The following SLC6A18 variants were observed in gnomAD, a reference collection of about 807,000 sequenced individuals.
SLC6A18 encodes solute carrier family 6 member 18, also known as inactive sodium-dependent neutral amino acid transporter B(0)AT3.
Under a neutral mutation model 62.9 loss-of-function variants are expected in SLC6A18, and 58 were observed. The ratio of observed to expected loss-of-function variants is 0.92; its 90% CI spans 0.75 to 1.15. The LOEUF (loss-of-function observed/expected upper bound fraction) is 1.15. SLC6A18 is among the 50% of genes most tolerant of loss of function. The probability of loss-of-function intolerance (pLI) is 0.00; values close to 1 mark genes in which losing one functional copy is unlikely to be tolerated. For synonymous variants in SLC6A18, 382 were observed against 365.8 expected, an observed-to-expected ratio of 1.04 and a Z score of -0.51; for missense variants, 793 against 836.6, an observed-to-expected ratio of 0.95 and a Z score of 0.64.
In SLC6A18 at chr5:1,239,513, T is replaced by C. The variant is rs1461176099; in HGVS notation, c.796T>C (p.Ser266Pro). 1 of 1,614,180 alleles carries C rather than the reference T, an allele frequency of 6.2e-7. No individual in the cohort carries two copies. Residue 266 changes from serine to proline, a missense_variant, in exon 6 of 12, where the codon TCC (serine) becomes CCC (proline). By Grantham distance (74) the Ser-to-Pro change is moderately conservative (BLOSUM62 -1). Transcript: ENST00000324642. Reference protein sequence around the residue: ...DAATQIFFSLSLAFGGHIAFA... With the variant: ...DAATQIFFSLPLAFGGHIAFA... ...AGCCACCCAGATATTCTTCTCTCTG[T>C]CCCTGGCCTTCGGAGGACACATCGC...
chr5:1,230,247 A>G (rs1239795213), intron 1 of SLC6A18, among the ~76,000 whole-genome samples: 3 of 151,204 alleles, frequency 2.0e-5, no homozygotes, highest in Admixed American at 6.6e-5. Context: ...GGGGGAAGAG[A>G]GGCTGGCTTG....
intron 3 of SLC6A18, among the ~76,000 whole-genome samples, chr5:1,234,609 C>T (rs1746837168): frequency 6.6e-6 from 1 of 152,236 alleles, no homozygotes; most frequent in Non-Finnish European, 1.5e-5. Context: ...CACGGCAGGG[C>T]CCCATAACTG....
At chr5:1,244,857 T>G (rs539173992) in intron 11 of SLC6A18, 90 bp downstream of exon 11, 59 of 1,419,088 alleles carry the variant, frequency 4.2e-5, no homozygotes, top group East Asian at 2.6e-4. Flanking sequence ...CGACGACCCA[T>G]GCGGTGCACA....
rs1747219199 is a variant in SLC6A18 at position 1,246,142 on chromosome 5, G to GC, written c.*64_*65insC. 2 of 1,476,634 alleles carry GC rather than the reference G, an allele frequency of 1.4e-6. No homozygotes were observed. The allele number at this position is 1,476,634 out of a possible 1,614,324, so 91.5% of individuals were successfully genotyped here. ...GGGGGCTTGGCCTGATGGTGGGCGGGGCCCCGCCCACAGGGCCGACCCCAA... is the reference window on the plus strand; with the variant it reads ...GGGGGCTTGGCCTGATGGTGGGCGGGCGCCCCGCCCACAGGGCCGACCCCAA... On this transcript the variant is annotated 3_prime_UTR_variant, in exon 12 of 12. Coordinates refer to ENST00000324642, the MANE Select transcript of SLC6A18 (RefSeq NM_182632.3).
intron 1 of SLC6A18, among the ~76,000 whole-genome samples, chr5:1,231,834 A>T (rs143495665): frequency 6.6e-6 from 1 of 152,090 alleles, no homozygotes; most frequent in African/African-American, 2.4e-5. Context: ...CCTCCTTCCC[A>T]CAGAGGCTGA....
chr5:1,232,411 T>G (rs746761506), intron 2 of SLC6A18, 52 bp downstream of exon 2: 6 of 1,566,126 alleles, frequency 3.8e-6, no homozygotes, highest in Non-Finnish European at 5.2e-6. Context: ...GACAGGGCCC[T>G]CCTGGATGAG....
Position 1,246,054 on chromosome 5 carries a change from G to T in SLC6A18, c.1863G>T (p.Met621Ile). The T allele has an allele frequency of 6.3e-7, 1 of 1,588,572 alleles. No homozygotes were observed. The change falls in exon 12 of 12, where the codon ATG (methionine) becomes ATT (isoleucine). Residue 621 changes from methionine to isoleucine, a missense_variant. Transcript: ENST00000324642. ...PDTDTRPDTDMRPDTDMR is the reference protein window; with the variant it reads ...PDTDTRPDTDIRPDTDMR ...CGGACACGCGCCCAGACACGGACAT[G>T]CGCCCGGACACGGACATGCGCTGAA...
At chr5:1,237,890 G>A (rs1746925088) in intron 4 of SLC6A18, 60 bp from the exon 5 acceptor site, 1 of 1,364,968 alleles carries the variant, frequency 7.3e-7, no homozygotes, top group African/African-American at 1.4e-5. Context: ...CTGCTTCTCT[G>A]AGGCTTGTGG....
At position 1,242,849 on chromosome 5, in the gene SLC6A18, G is replaced by A. The variant is rs1747101363; in HGVS notation, c.1117G>A (p.Asp373Asn). Residue 373 changes from aspartate (D) to asparagine (N), a missense_variant, in exon 8 of 12, where the codon GAC becomes AAC. Asp to Asn is a conservative substitution (Grantham distance 23). Transcript: ENST00000324642. ...QLPLKACLLE[D>N]FLDKSASGPG... ...CCCCCTGAAGGCCTGCCTCCTGGAA[G>A]ACTTTCTGGATAAGGTACCTGCACA... The A allele has an allele frequency of 6.2e-7, 1 of 1,610,828 alleles. No homozygotes were observed. Among genetic ancestry groups the A allele is most frequent in the Non-Finnish European group, 8.5e-7 (1 of 1,178,256 alleles).
At chr5:1,244,500 G>A (rs1217135093) in intron 10 of SLC6A18, 108 bp from the exon 11 acceptor site, 44 of 1,543,676 alleles carry the variant, frequency 2.9e-5, no homozygotes, top group Non-Finnish European at 3.3e-5. Flanking sequence ...GGGAGCTGCC[G>A]AGGCACCAGA....
chr5:1,239,394 C>A, intron 5 of SLC6A18, 56 bp from the exon 6 acceptor site: 1 of 1,343,572 alleles, frequency 7.4e-7, no homozygotes. Flanking sequence ...ACAGTCAGGG[C>A]CACCAGCTCA....
At position 1,244,614 on chromosome 5, in the gene SLC6A18, C is replaced by A. The variant is rs147945040; in HGVS notation, c.1503C>A (p.Cys501Ter). 7.2e-5 allele frequency: 115 copies of A among 1,595,152 alleles called. No homozygotes were observed. Among genetic ancestry groups the A allele is most frequent in the Middle Eastern group, 1.7e-4 (1 of 6,010 alleles). Reference protein sequence around the residue: ...VVYVYGMKRFCDDIAWMTGRR... With the variant: ...VVYVYGMKRF Reference sequence around the variant, plus strand: ...AGCCCAGCATCTGGTGCAGGTTCTGCGATGACATTGCGTGGATGACCGGGA... The same window carrying A: ...AGCCCAGCATCTGGTGCAGGTTCTGAGATGACATTGCGTGGATGACCGGGA... Residue 501 changes from cysteine (C) to a stop codon, truncating the protein, a stop_gained, in exon 11 of 12, where the codon TGC becomes TGA. Transcript: ENST00000324642. LOFTEE classifies it high-confidence loss of function.
At chr5:1,234,739 A>G (rs1746840670) in intron 3 of SLC6A18, among the ~76,000 whole-genome samples, 1 of 152,218 alleles carries the variant, frequency 6.6e-6, no homozygotes. Flanking sequence ...GTGCCCACTC[A>G]GAGCTGGGCT....
At chr5:1,244,906 C>G in intron 11 of SLC6A18, 139 bp downstream of exon 11, 2 of 1,017,418 alleles carry the variant, frequency 2.0e-6, no homozygotes. Flanking sequence ...TCACTTCTGC[C>G]TGGCAAACTG....
intron 4 of SLC6A18, among the ~76,000 whole-genome samples, chr5:1,236,995 A>C (rs1016019896): frequency 6.6e-6 from 1 of 151,858 alleles, no homozygotes; most frequent in Non-Finnish European, 1.5e-5. Context: ...GCACTTTGGG[A>C]GGCTAAGGTA....
rs1337925035 is a variant in SLC6A18 at position 1,243,108 on chromosome 5, G to A, written c.1131+245G>A. ...GCAGTCTTGGGGGTTGGGCTGACCCGAGAGAGTGGGCATTGCTGGTGCCCA... is the reference window on the plus strand; with the variant it reads ...GCAGTCTTGGGGGTTGGGCTGACCCAAGAGAGTGGGCATTGCTGGTGCCCA... On this transcript the variant is annotated intron_variant, in intron 8 of 11. Transcript: ENST00000324642. The surrounding 1 kb of genome is among the most constrained non-coding windows in gnomAD (Gnocchi z 6.5). 2.0e-5 allele frequency among the ~76,000 whole-genome samples: 3 copies of A among 152,210 alleles called. No homozygotes were observed. Among genetic ancestry groups the A allele is most frequent in the South Asian group, 2.1e-4 (1 of 4,832 alleles).
intron 1 of SLC6A18, among the ~76,000 whole-genome samples, chr5:1,228,118 G>C (rs1429630767): frequency 6.7e-5 from 7 of 104,494 alleles, no homozygotes; most frequent in Non-Finnish European, 1.2e-4. Context: ...GTAGAGCAAG[G>C]CCTTTTTTTT....
chr5:1,234,849 T>C (rs1746843300), intron 3 of SLC6A18, among the ~76,000 whole-genome samples: 1 of 152,224 alleles, frequency 6.6e-6, no homozygotes, highest in Non-Finnish European at 1.5e-5. Context: ...CCCTGTGGCA[T>C]GGGCAGTGGC....
intron 3 of SLC6A18, 39 bp downstream of exon 3, chr5:1,232,927 G>T (rs763349984): frequency 7.0e-6 from 11 of 1,576,804 alleles, no homozygotes; most frequent in Non-Finnish European, 8.6e-6. Context: ...TCCGTGCACG[G>T]CCGAGAGAGG....
Sources: gnomAD v4.1 joint callset for allele counts (sites outside exome capture counted in the v4.1 genomes callset) on GRCh38, gnomAD v4.1.1 for gene constraint, Gnocchi (gnomAD v3.1) non-coding constraint, MANE v1.5 for transcripts, NCBI Gene and HGNC (gene_info 2026-07-23, HGNC 2026-07-21) for gene names.